Variants in SULT1E1 observed in about 807,000 individuals in gnomAD.
The protein encoded by SULT1E1 is sulfotransferase 1E1.
SULT1E1 carries 36 observed loss-of-function variants against 33.6 expected under a neutral mutation model. The observed-to-expected ratio is 1.07, with a 90% CI of 0.82 to 1.41. SULT1E1 has a LOEUF of 1.41. Among genes scored for constraint, SULT1E1 ranks in the 40% most tolerant of loss-of-function variants. The probability of loss-of-function intolerance (pLI) is 0.00; values close to 1 mark genes in which losing one functional copy is unlikely to be tolerated. For missense variants in SULT1E1, 371 were observed against 345.7 expected (o/e 1.07, Z -0.58); for synonymous variants, 121 against 111.7 (o/e 1.08, Z -0.53).
the SULT1E1 span, among the ~76,000 whole-genome samples, chr4:69,836,164 G>A: frequency 2.0e-5 from 3 of 151,874 alleles, no homozygotes; most frequent in South Asian, 2.1e-4. Flanking sequence ...TTTCAATACT[G>A]CCTTAAAACG....
chr4:69,833,186 A>G, the SULT1E1 span, among the ~76,000 whole-genome samples: 4 of 152,168 alleles, frequency 2.6e-5, 1 homozygote, highest in African/African-American at 9.6e-5. Context: ...CATCTAAAAC[A>G]TATTATGATG....
At chr4:69,836,700 A>G (rs1720803821), downstream of SULT1E1, among the ~76,000 whole-genome samples, 1 of 152,130 alleles carries the variant, frequency 6.6e-6, no homozygotes, top group African/African-American at 2.4e-5. Context: ...CAAAAGTAAA[A>G]CATATATCTT....
At chr4:69,859,736 C>A (rs1721325899) in intron 1 of SULT1E1, among the ~76,000 whole-genome samples, 2 of 152,086 alleles carry the variant, frequency 1.3e-5, no homozygotes, top group Admixed American at 1.3e-4. Flanking sequence ...TCCTTCTACC[C>A]TGCTTGCTTT....
At chr4:69,849,863 C>T (rs1272057733) in intron 4 of SULT1E1, among the ~76,000 whole-genome samples, 1 of 151,824 alleles carries the variant, frequency 6.6e-6, no homozygotes, top group Non-Finnish European at 1.5e-5. Flanking sequence ...AAGTCAGTTA[C>T]ATTATTTATT....
intron 7 of SULT1E1, among the ~76,000 whole-genome samples, chr4:69,843,710 T>C (rs1720923525): frequency 6.6e-6 from 1 of 152,230 alleles, no homozygotes; most frequent in African/African-American, 2.4e-5. Context: ...AATTTCTATT[T>C]TTTGCCACTT....
At chr4:69,850,975 C>A (rs1264159012) in intron 4 of SULT1E1, among the ~76,000 whole-genome samples, 6 of 152,086 alleles carry the variant, frequency 3.9e-5, no homozygotes, top group Non-Finnish European at 8.8e-5. Flanking sequence ...CTGCATCTCT[C>A]TTGAGTCAAA....
intron 6 of SULT1E1, among the ~76,000 whole-genome samples, chr4:69,845,884 A>G (rs1720966968): frequency 6.6e-6 from 1 of 151,098 alleles, no homozygotes; most frequent in African/African-American, 2.4e-5. Context: ...TGCTTTTCTT[A>G]TTCAAATTTG....
intron 2 of SULT1E1, 146 bp downstream of exon 2, chr4:69,857,354 G>C (rs1721263102): frequency 2.0e-6 from 2 of 979,854 alleles, no homozygotes; most frequent in Non-Finnish European, 2.9e-6. Context: ...TCATGGAATA[G>C]AGCTACCTTT....
intron 6 of SULT1E1, among the ~76,000 whole-genome samples, chr4:69,846,143 A>G (rs1720971301): frequency 6.7e-6 from 1 of 150,080 alleles, no homozygotes; most frequent in Admixed American, 6.6e-5. Flanking sequence ...ATGTTTTAAA[A>G]ATTATGAGAT....
intron 7 of SULT1E1, among the ~76,000 whole-genome samples, chr4:69,843,051 T>A (rs1281434162): frequency 1.3e-5 from 2 of 152,118 alleles, no homozygotes; most frequent in African/African-American, 4.8e-5. Context: ...TTAGCCAGGA[T>A]GGTCTCGATC....
intron 7 of SULT1E1, among the ~76,000 whole-genome samples, chr4:69,843,441 C>G (rs1271398350): frequency 6.6e-6 from 1 of 151,948 alleles, no homozygotes; most frequent in Non-Finnish European, 1.5e-5. Context: ...GTTTTTTTCC[C>G]CAGTGGCAGG....
rs11573773 is a variant in SULT1E1, at chr4:69,849,628, T to C, written c.370-65A>G. ...TTTTCAAACAGTCTCATCAAGATTT[T>C]TTTAAAAAGGATTTACATTTTCAAA... On this transcript the variant is annotated intron_variant, in intron 4 of 7. Coordinates refer to ENST00000226444, the MANE Select transcript of SULT1E1 (RefSeq NM_005420.3). 1.8e-3 allele frequency: 2,532 copies of C among 1,430,864 alleles called. 76 individuals are homozygous for C. The South Asian group carries it at 0.034, about 19-fold the overall frequency. 88.6% of individuals were successfully genotyped at this position (1,430,864 alleles called of 1,614,324 possible).
At chr4:69,835,918 A>G in the SULT1E1 span, among the ~76,000 whole-genome samples, 1 of 152,212 alleles carries the variant, frequency 6.6e-6, no homozygotes, top group East Asian at 1.9e-4. Flanking sequence ...TGCTGAGGTT[A>G]CAGACATGAG....
chr4:69,823,428 T>A, the SULT1E1 span, among the ~76,000 whole-genome samples: 2 of 152,070 alleles, frequency 1.3e-5, no homozygotes, highest in Non-Finnish European at 2.9e-5. Context: ...GAGAGGGGGA[T>A]CTCTGGGAGG....
chr4:69,854,182 T>C, intron 4 of SULT1E1, 35 bp downstream of exon 4: 1 of 1,485,452 alleles, frequency 6.7e-7, no homozygotes, highest in Non-Finnish European at 9.4e-7. Flanking sequence ...TTCTTGGAAT[T>C]GGATGAAGTT....
the SULT1E1 span, among the ~76,000 whole-genome samples, chr4:69,835,512 A>G: frequency 2.0e-5 from 3 of 152,206 alleles, no homozygotes; most frequent in Non-Finnish European, 2.9e-5. Flanking sequence ...TGAATTTATG[A>G]TAAGTGGAGA....
chr4:69,857,463 T>A (rs1187007418), intron 2 of SULT1E1, 37 bp downstream of exon 2: 1 of 1,574,954 alleles, frequency 6.3e-7, no homozygotes, highest in South Asian at 1.2e-5. Flanking sequence ...GTGTGTTTGT[T>A]ATTTTTAGGT....
At position 69,854,034 on chromosome 4, in the gene SULT1E1, G is replaced by T. The variant is rs559091486; in HGVS notation, c.369+183C>A. On this transcript the variant is annotated intron_variant, in intron 4 of 7. Coordinates refer to ENST00000226444, the MANE Select transcript of SULT1E1 (RefSeq NM_005420.3). ...ACTGGACTTTTTAGAACCACATCTG[G>T]CAAAAGACAGAGTTGGAATTAAAAT... Among the ~76,000 whole-genome samples the T allele has an allele frequency of 7.2e-5, 11 of 152,016 alleles. No homozygotes were observed. In the East Asian group the frequency reaches 2.1e-3, roughly 29 times the overall value.
chr4:69,849,044 A>C (rs780900043), intron 5 of SULT1E1: 4 of 153,268 alleles, frequency 2.6e-5, no homozygotes, highest in Non-Finnish European at 5.8e-5. Flanking sequence ...AAATAAGTGA[A>C]CATTCTCTCT....
Sources: allele counts gnomAD v4.1 joint callset (sites outside exome capture counted in the v4.1 genomes callset), GRCh38; gene constraint gnomAD v4.1.1; transcripts MANE v1.5; gene names NCBI Gene and HGNC (gene_info 2026-07-23, HGNC 2026-07-21).